The following TRAF3 variants were observed in gnomAD, a reference collection of about 807,000 sequenced individuals.
The protein encoded by TRAF3 is TNF receptor associated factor 3, also known as TNF receptor-associated factor 3.
A neutral mutation model predicts 62.3 loss-of-function variants in TRAF3; 13 were observed. That is an observed-to-expected ratio of 0.21 (90% confidence interval 0.14 to 0.33). TRAF3 has a LOEUF of 0.33. Among genes scored for constraint, TRAF3 ranks in the 10% least tolerant of loss-of-function variants. TRAF3 has a pLI of 1.00. For synonymous variants in TRAF3, 269 were observed against 283.4 expected (o/e 0.95, Z 0.51); for missense variants, 440 against 741.8 (o/e 0.59, Z 4.73).
At position 102,903,173 on chromosome 14, in the gene TRAF3, CCTGT is replaced by C; in HGVS notation, c.961-77_961-74del. On this transcript the variant is annotated intron_variant, in intron 10 of 11. Coordinates refer to ENST00000392745, the MANE Select transcript of TRAF3 (RefSeq NM_145725.3). This position sits in a 1 kb window ranked among gnomAD's most constrained non-coding sequence, Gnocchi z 6.4. ...GGGCCTCTGACTGTTCTGCTCCTAG[CCTGT>C]CTGTATTTGATGGAAGGTGGTGCAG... 6.3e-7 allele frequency: 1 copy of C among 1,595,006 alleles called. No homozygotes were observed. Among genetic ancestry groups the C allele is most frequent in the South Asian group, 1.1e-5 (1 of 90,164 alleles).
At chr14:102,798,729 C>A (rs1898231675) in intron 1 of TRAF3, among the ~76,000 whole-genome samples, 1 of 152,184 alleles carries the variant, frequency 6.6e-6, no homozygotes, top group Admixed American at 6.5e-5. Flanking sequence ...CCTGATTCGG[C>A]CTCCCAAATG....
intron 1 of TRAF3, among the ~76,000 whole-genome samples, chr14:102,778,825 A>T (rs1897151357): frequency 6.6e-6 from 1 of 152,190 alleles, no homozygotes; most frequent in Non-Finnish European, 1.5e-5. Flanking sequence ...GGAATGGCCA[A>T]GTGGACCATC....
At chr14:102,877,859 C>A (rs904599592) in intron 6 of TRAF3, among the ~76,000 whole-genome samples, 2 of 151,698 alleles carry the variant, frequency 1.3e-5, no homozygotes, top group South Asian at 2.1e-4. Context: ...ATAGATAATC[C>A]GTTCCACAGG....
rs1006422434 is a variant in TRAF3 at position 102,826,105 on chromosome 14, A to G, written c.-156-4229A>G. 6.6e-6 allele frequency among the ~76,000 whole-genome samples: 1 copy of G among 152,196 alleles called. No homozygotes were observed. Among genetic ancestry groups the G allele is most frequent in the African/African-American group, 2.4e-5 (1 of 41,454 alleles). On this transcript the variant is annotated intron_variant, in intron 1 of 11. Transcript: ENST00000392745. This position sits in a 1 kb window ranked among gnomAD's most constrained non-coding sequence, Gnocchi z 4.6. ...CGAATCCCTCCCACCCCCGTGAGGT[A>G]ACAACGTCTTTTCCAGTTGGTGTCA... is the stretch of plus-strand genomic sequence containing the variant.
intron 7 of TRAF3, 94 bp downstream of exon 7, chr14:102,886,363 C>G (rs929734259): frequency 1.7e-6 from 2 of 1,143,440 alleles, no homozygotes; most frequent in Non-Finnish European, 2.5e-6. Context: ...TCACGTTTTC[C>G]CAGTTCGTGA....
At chr14:102,877,484 C>G (rs1273602597) in intron 6 of TRAF3, among the ~76,000 whole-genome samples, 3 of 148,518 alleles carry the variant, frequency 2.0e-5, no homozygotes, top group Non-Finnish European at 4.4e-5. Context: ...CACAGGCCTT[C>G]CGCTCAACTC....
rs150029040 is a variant in TRAF3 at position 102,819,838 on chromosome 14, A to G, written c.-156-10496A>G. 4.2e-4 allele frequency among the ~76,000 whole-genome samples: 64 copies of G among 152,380 alleles called. 1 individual carries two copies. The East Asian group carries it at 0.012, about 28-fold the overall frequency. Reference sequence around the variant, plus strand: ...TCACACTAAGTGGGACAGTGAGACTATGAATAGCTTCACATCAGATCAGGG... The same window carrying G: ...TCACACTAAGTGGGACAGTGAGACTGTGAATAGCTTCACATCAGATCAGGG... On this transcript the variant is annotated intron_variant, in intron 1 of 11. Transcript: ENST00000392745.
chr14:102,803,870 C>A (rs1350057677), intron 1 of TRAF3, among the ~76,000 whole-genome samples: 1 of 152,136 alleles, frequency 6.6e-6, no homozygotes, highest in African/African-American at 2.4e-5. Flanking sequence ...ATATATAATT[C>A]TTGGCTTTGA....
chr14:102,872,576 C>T (rs1169815590), intron 4 of TRAF3, among the ~76,000 whole-genome samples: 1 of 152,230 alleles, frequency 6.6e-6, no homozygotes, highest in East Asian at 1.9e-4. Flanking sequence ...AGCTTCTCTC[C>T]TGGGGCCTGG....
chr14:102,789,700 A>G (rs1343665394), intron 1 of TRAF3, among the ~76,000 whole-genome samples: 1 of 150,552 alleles, frequency 6.6e-6, no homozygotes, highest in Non-Finnish European at 1.5e-5. Context: ...TTGGGTTTGT[A>G]TTTTCTTGAT....
At chr14:102,891,264 C>A in intron 8 of TRAF3, 61 bp from the exon 9 acceptor site, 1 of 1,489,180 alleles carries the variant, frequency 6.7e-7, no homozygotes, top group Non-Finnish European at 9.2e-7. Context: ...CGTATGTTAG[C>A]CGTTCTGCCC....
intron 10 of TRAF3, among the ~76,000 whole-genome samples, chr14:102,900,339 A>G (rs1302771414): frequency 6.6e-6 from 1 of 152,060 alleles, no homozygotes; most frequent in Admixed American, 6.5e-5. Context: ...CGTCTCTACT[A>G]AAAATAGAAA....
At chr14:102,854,576 C>T (rs1595364948) in intron 2 of TRAF3, among the ~76,000 whole-genome samples, 1 of 152,360 alleles carries the variant, frequency 6.6e-6, no homozygotes, top group East Asian at 1.9e-4. Flanking sequence ...ACATGGCTCA[C>T]TGCAGCCTCA....
intron 1 of TRAF3, among the ~76,000 whole-genome samples, chr14:102,778,713 T>G (rs2140038927): frequency 6.6e-6 from 1 of 152,282 alleles, no homozygotes; most frequent in East Asian, 1.9e-4. Flanking sequence ...GGAGCCATTA[T>G]TTATTTTTTT....
intron 1 of TRAF3, among the ~76,000 whole-genome samples, chr14:102,781,039 G>A (rs1897254103): frequency 6.6e-6 from 1 of 152,236 alleles, no homozygotes; most frequent in African/African-American, 2.4e-5. Flanking sequence ...AAATGAATTA[G>A]TGGATTGTGT....
chr14:102,783,258 G>T (rs1897339639), intron 1 of TRAF3, among the ~76,000 whole-genome samples: 1 of 152,206 alleles, frequency 6.6e-6, no homozygotes, highest in East Asian at 1.9e-4. Context: ...TGTTCCTGGA[G>T]GTCAGGCTTC....
At chr14:102,784,614 G>A (rs1315696666) in intron 1 of TRAF3, among the ~76,000 whole-genome samples, 1 of 152,200 alleles carries the variant, frequency 6.6e-6, no homozygotes, top group East Asian at 1.9e-4. Context: ...TAGGGGCTAT[G>A]CTCGTTGCTA....
intron 1 of TRAF3, among the ~76,000 whole-genome samples, chr14:102,784,943 A>G (rs1354649582): frequency 6.6e-6 from 1 of 152,040 alleles, no homozygotes; most frequent in Non-Finnish European, 1.5e-5. Flanking sequence ...GGTACAGGAA[A>G]AGGCACCCGG....
intron 1 of TRAF3, among the ~76,000 whole-genome samples, chr14:102,819,179 C>T (rs1279431914): frequency 1.3e-5 from 2 of 152,104 alleles, no homozygotes; most frequent in Non-Finnish European, 2.9e-5. Context: ...TGCTCTGATT[C>T]CTAGAGCGGT....
Sources: gnomAD v4.1 joint callset for allele counts (sites outside exome capture counted in the v4.1 genomes callset) on GRCh38, gnomAD v4.1.1 for gene constraint, Gnocchi (gnomAD v3.1) non-coding constraint, MANE v1.5 for transcripts, NCBI Gene and HGNC (gene_info 2026-07-23, HGNC 2026-07-21) for gene names.